KIAA1328: variants seen among roughly 807,000 people sequenced by gnomAD.
KIAA1328 encodes protein hinderin.
Under a neutral mutation model 68.1 loss-of-function variants are expected in KIAA1328, and 52 were observed. The observed-to-expected ratio is 0.76, with a 90% CI of 0.61 to 0.96. The LOEUF is 0.96. KIAA1328 is among the 40% of genes least tolerant of loss of function. The pLI, the probability that KIAA1328 is intolerant of heterozygous loss-of-function variation, is 0.00. For missense variants in KIAA1328, 641 were observed against 677.6 expected (o/e 0.95, Z 0.60); for synonymous variants, 232 against 239.4 (o/e 0.97, Z 0.28).
At chr18:37,114,678 A>C (rs1404867967) in intron 7 of KIAA1328, among the ~76,000 whole-genome samples, 6 of 152,358 alleles carry the variant, frequency 3.9e-5, no homozygotes, top group Non-Finnish European at 7.4e-5. Flanking sequence ...ACTGAAGGAG[A>C]CAGAGACACA....
rs776502025 is a variant in KIAA1328 at position 37,173,041 on chromosome 18, G to A, written c.1483G>A (p.Val495Ile). Residue 495 changes from valine (V) to isoleucine (I), a missense_variant, in exon 9 of 10, where the codon GTC (valine) becomes ATC (isoleucine). Val to Ile is a conservative substitution (Grantham distance 29, BLOSUM62 3). Coordinates refer to ENST00000280020, the MANE Select transcript of KIAA1328 (RefSeq NM_020776.3). ...PMPTGSLKDF[V>I]TTASPSLQHT... ...GCCAACAGGAAGCCTAAAGGATTTT[G>A]TCACCACAGCCTCACCATCATTACA... The A allele has an allele frequency of 4.3e-6, 7 of 1,613,458 alleles. No individual in the cohort carries two copies. The African/African-American group carries it at 5.3e-5, about 12-fold the overall frequency.
intron 4 of KIAA1328, among the ~76,000 whole-genome samples, chr18:36,850,673 C>A (rs1446876517): frequency 6.6e-6 from 1 of 152,130 alleles, no homozygotes; most frequent in Non-Finnish European, 1.5e-5. Flanking sequence ...TACTTAACCA[C>A]AAGCACTGTC....
chr18:36,993,233 C>T (rs1206475266), intron 6 of KIAA1328, among the ~76,000 whole-genome samples: 1 of 152,192 alleles, frequency 6.6e-6, no homozygotes, highest in Non-Finnish European at 1.5e-5. Flanking sequence ...AAAGGAAATT[C>T]CATTGGCCTC....
chr18:37,100,939 A>G (rs1164019145), intron 7 of KIAA1328, among the ~76,000 whole-genome samples: 2 of 152,216 alleles, frequency 1.3e-5, no homozygotes, highest in African/African-American at 2.4e-5. Context: ...GTAAACTCCA[A>G]CAGACCTGCA....
intron 6 of KIAA1328, among the ~76,000 whole-genome samples, chr18:36,985,865 A>G (rs1017551993): frequency 2.0e-5 from 3 of 152,180 alleles, no homozygotes; most frequent in Non-Finnish European, 4.4e-5. Context: ...AGCACATGAA[A>G]AGTTGCTCAA....
intron 5 of KIAA1328, among the ~76,000 whole-genome samples, chr18:36,909,421 A>T (rs2049347329): frequency 6.6e-6 from 1 of 152,088 alleles, no homozygotes; most frequent in Admixed American, 6.5e-5. Context: ...GCTGAGAATG[A>T]TGGTTTCCAG....
chr18:36,878,929 A>G (rs977526974), intron 4 of KIAA1328, among the ~76,000 whole-genome samples: 2 of 152,126 alleles, frequency 1.3e-5, no homozygotes, highest in African/African-American at 4.8e-5. Context: ...CCTTTTATCA[A>G]GGTTCTTAGC....
intron 7 of KIAA1328, among the ~76,000 whole-genome samples, chr18:37,084,808 A>G (rs1296720610): frequency 1.3e-5 from 2 of 152,172 alleles, no homozygotes; most frequent in Non-Finnish European, 2.9e-5. Flanking sequence ...GTATATATGA[A>G]TCTTTTTACG....
chr18:36,918,354 T>C (rs1770454818), intron 5 of KIAA1328, among the ~76,000 whole-genome samples: 1 of 152,154 alleles, frequency 6.6e-6, no homozygotes, highest in African/African-American at 2.4e-5. Flanking sequence ...ACTTTGGGCT[T>C]AATTTGCTCA....
At chr18:37,190,864 T>A (rs145748608) in intron 9 of KIAA1328, among the ~76,000 whole-genome samples, 1 of 152,218 alleles carries the variant, frequency 6.6e-6, no homozygotes, top group South Asian at 2.1e-4. Context: ...TAGTGACACC[T>A]CTTGTGTTTC....
intron 7 of KIAA1328, among the ~76,000 whole-genome samples, chr18:37,111,691 G>T (rs1250383879): frequency 2.6e-5 from 4 of 152,188 alleles, no homozygotes; most frequent in Non-Finnish European, 5.9e-5. Context: ...AGTGGGTGTA[G>T]CCCTGGGAGT....
intron 6 of KIAA1328, among the ~76,000 whole-genome samples, chr18:36,963,534 G>C (rs963536498): frequency 1.8e-4 from 28 of 152,106 alleles, no homozygotes; most frequent in Admixed American, 7.2e-4. Flanking sequence ...TGAAATTGGA[G>C]GAAAATAAAA....
intron 9 of KIAA1328, among the ~76,000 whole-genome samples, chr18:37,174,183 A>G (rs1434602141): frequency 6.6e-6 from 1 of 152,184 alleles, no homozygotes; most frequent in East Asian, 1.9e-4. Context: ...TTAGGAAACT[A>G]AAGTTCAGAG....
chr18:37,100,046 C>A (rs1464190339), intron 7 of KIAA1328, among the ~76,000 whole-genome samples: 1 of 152,134 alleles, frequency 6.6e-6, no homozygotes, highest in African/African-American at 2.4e-5. Context: ...CAGTCTGTGT[C>A]TTTTAATTGG....
rs1044042667 is a variant in KIAA1328, at chr18:36,957,007, T to C, written c.449-2301T>C. 3.3e-5 allele frequency among the ~76,000 whole-genome samples: 5 copies of C among 152,302 alleles called. No homozygotes were observed. The East Asian group carries it at 9.6e-4, about 29-fold the overall frequency. ...TCAACAAGCTCTCCTAATTATTGTA[T>C]TCTCTAAGCTTAGTAACCTGTCCTT... On this transcript the variant is annotated intron_variant, in intron 5 of 9. Transcript: ENST00000280020.
intron 7 of KIAA1328, among the ~76,000 whole-genome samples, chr18:37,113,906 C>G (rs13313705): frequency 0.032 from 4,901 of 152,144 alleles, 276 homozygotes; most frequent in African/African-American, 0.11. Flanking sequence ...TCAAAAGAGA[C>G]AAAGAAGGCC....
At chr18:37,056,225 T>C (rs2055901224) in intron 6 of KIAA1328, among the ~76,000 whole-genome samples, 1 of 152,232 alleles carries the variant, frequency 6.6e-6, no homozygotes, top group Non-Finnish European at 1.5e-5. Flanking sequence ...TATGTACATG[T>C]GTATGTGTGC....
chr18:37,029,976 G>A (rs535712703), intron 6 of KIAA1328, among the ~76,000 whole-genome samples: 11 of 152,134 alleles, frequency 7.2e-5, no homozygotes, highest in African/African-American at 2.7e-4. Context: ...TTTCATTTTG[G>A]ATGTTATATG....
chr18:36,837,922 G>A (rs1221205662), intron 3 of KIAA1328, among the ~76,000 whole-genome samples: 1 of 152,080 alleles, frequency 6.6e-6, no homozygotes, highest in African/African-American at 2.4e-5. Flanking sequence ...TGGACTCTCT[G>A]TATTCTGTTC....
Sources: gnomAD v4.1 joint callset for allele counts (sites outside exome capture counted in the v4.1 genomes callset) on GRCh38, gnomAD v4.1.1 for gene constraint, MANE v1.5 for transcripts, NCBI Gene and HGNC (gene_info 2026-07-23, HGNC 2026-07-21) for gene names.